The following GZF1 variants were observed in gnomAD, a reference collection of about 807,000 sequenced individuals.
The protein encoded by GZF1 is GDNF-inducible zinc finger protein 1.
Under a neutral mutation model 49.4 loss-of-function variants are expected in GZF1, and 28 were observed. The ratio of observed to expected loss-of-function variants is 0.57; its 90% CI spans 0.42 to 0.78. The LOEUF (loss-of-function observed/expected upper bound fraction) is 0.78, where lower values mean the gene tolerates loss of function less well. Ranked by LOEUF, GZF1 falls within the 30% of genes least tolerant of loss-of-function variation. The pLI, the probability that GZF1 is intolerant of heterozygous loss-of-function variation, is 0.00. For missense variants in GZF1, 798 were observed against 916.2 expected, an observed-to-expected ratio of 0.87 and a Z score of 1.67; for synonymous variants, 364 against 356.0, an observed-to-expected ratio of 1.02 and a Z score of -0.25.
At chr20:23,369,782 C>A (rs746116537) in intron 5 of GZF1, 41 bp downstream of exon 5, 2 of 1,573,692 alleles carry the variant, frequency 1.3e-6, no homozygotes, top group South Asian at 2.3e-5. Flanking sequence ...AAGCTGCTGC[C>A]CTTAGATGCA....
In GZF1 at chr20:23,369,713, A is replaced by G; in HGVS notation, c.1757A>G (p.Asp586Gly). The change falls in exon 5 of 6, where the codon GAC (aspartate) becomes GGC (glycine). Residue 586 changes from aspartate (D) to glycine (G), a missense_variant. By Grantham distance (94) the Asp-to-Gly change is moderately conservative. Transcript: ENST00000338121. ...AATGCGTGCGGACGGACATTCACCG[A>G]CAAGTCCACTCTTCGGCGGCACACC... ...MCNACGRTFT[D>G]KSTLRRHTSI... 1 of 1,613,440 alleles carries G rather than the reference A, an allele frequency of 6.2e-7. No individual in the cohort carries two copies. The highest frequency in any genetic ancestry group is 8.5e-7 in the Non-Finnish European group (1 of 1,179,680).
chr20:23,369,824 A>G (rs1263917506), intron 5 of GZF1, 83 bp downstream of exon 5: 2 of 1,400,754 alleles, frequency 1.4e-6, no homozygotes, highest in African/African-American at 2.9e-5. Flanking sequence ...CCATTCTCCA[A>G]GGTGGTTAGA....
In GZF1 at chr20:23,364,800, G is replaced by T. The variant is rs1378107567; in HGVS notation, c.417G>T (p.Glu139Asp). 1 of 1,614,280 alleles carries T rather than the reference G, an allele frequency of 6.2e-7. No homozygotes were observed. The highest frequency in any genetic ancestry group is 8.5e-7 in the Non-Finnish European group (1 of 1,180,048). ...KKQMLESVLLELQNFSESQEV... is the reference protein window; with the variant it reads ...KKQMLESVLLDLQNFSESQEV... ...AGATGTTAGAGTCAGTACTTTTGGA[G>T]TTGCAAAATTTCTCAGAGTCTCAGG... The change falls in exon 2 of 6, where the codon GAG becomes GAT. Residue 139 changes from glutamate (E) to aspartate (D), a missense_variant. Transcript: ENST00000338121.
At position 23,369,670 on chromosome 20, in the gene GZF1, G is replaced by C. The variant is rs1419296376; in HGVS notation, c.1714G>C (p.Glu572Gln). The change falls in exon 5 of 6, where the codon GAG becomes CAG. Residue 572 changes from glutamate to glutamine, a missense_variant. Coordinates refer to ENST00000338121, the MANE Select transcript of GZF1 (RefSeq NM_022482.5). Reference protein sequence around the residue: ...LQRHRRIHTGERPFMCNACGR... With the variant: ...LQRHRRIHTGQRPFMCNACGR... ...GCGCCACCGCCGCATCCACACAGGG[G>C]AGAGGCCATTCATGTGCAATGCGTG... The C allele has an allele frequency of 6.2e-7, 1 of 1,614,044 alleles. No homozygotes were observed. The highest frequency in any genetic ancestry group is 1.3e-5 in the African/African-American group (1 of 74,930).
Position 23,364,654 on chromosome 20 carries a change from C to G in GZF1, c.271C>G (p.Leu91Val), listed in dbSNP as rs1341799966. Residue 91 changes from leucine to valine, a missense_variant, in exon 2 of 6, where the codon CTT becomes GTT. Leu to Val is a conservative substitution (Grantham distance 32). Transcript: ENST00000338121. Reference protein sequence around the residue: ...EVQVADFASFLEFVYTAKVQV... With the variant: ...EVQVADFASFVEFVYTAKVQV... ...GCAGGTTGCTGACTTTGCTTCATTT[C>G]TTGAGTTTGTCTACACTGCAAAGGT... 1.2e-6 allele frequency: 2 copies of G among 1,614,248 alleles called. No homozygotes were observed. The highest frequency in any genetic ancestry group is 2.2e-5 in the East Asian group (1 of 44,896).
chr20:23,362,055 C>G (rs1048634413), upstream of GZF1: 4 of 152,196 alleles, frequency 2.6e-5, no homozygotes, highest in African/African-American at 9.7e-5. Flanking sequence ...CTCCGCCGCC[C>G]GACGTGTGGC....
Position 23,365,478 on chromosome 20 carries a change from C to G in GZF1, c.1095C>G (p.Ser365Arg). 1 of 1,613,824 alleles carries G rather than the reference C, an allele frequency of 6.2e-7. No homozygotes were observed. The highest frequency in any genetic ancestry group is 8.5e-7 in the Non-Finnish European group (1 of 1,179,998). Residue 365 changes from serine to arginine, a missense_variant, in exon 2 of 6, where the codon AGC (serine) becomes AGG (arginine). By Grantham distance (110) the Ser-to-Arg change is moderately radical. This residue lies in a region of GZF1 where 446 missense variants were observed against 540.1 expected (regional missense o/e 0.83). Transcript: ENST00000338121. ...QTFANRCNLK[S>R]HQRHVHSSER... ...TCGCCAACCGCTGCAACCTGAAGAG[C>G]CACCAGCGCCACGTGCACAGCAGCG...
chr20:23,365,992 C>G (rs1203067020), intron 2 of GZF1, among the ~76,000 whole-genome samples: 1 of 152,260 alleles, frequency 6.6e-6, no homozygotes, highest in African/African-American at 2.4e-5. Flanking sequence ...ACCGCGACAG[C>G]GGCCGCGGGC....
chr20:23,362,110 A>G (rs1053090702), upstream of GZF1: 3 of 151,968 alleles, frequency 2.0e-5, no homozygotes, highest in African/African-American at 7.3e-5. Flanking sequence ...CGGCCGCGGG[A>G]GGGGAGGGGC....
At chr20:23,365,862 G>A (rs1981302940) in intron 2 of GZF1, 115 bp downstream of exon 2, 5 of 1,399,516 alleles carry the variant, frequency 3.6e-6, no homozygotes, top group Non-Finnish European at 9.3e-7. Context: ...AAACCTGGGG[G>A]CTTATTTCGA....
At position 23,365,128 on chromosome 20, in the gene GZF1, A is replaced by C. The variant is rs748554930; in HGVS notation, c.745A>C (p.Lys249Gln). 3.7e-6 allele frequency: 6 copies of C among 1,613,938 alleles called. No individual in the cohort carries two copies. The highest frequency in any genetic ancestry group is 4.2e-6 in the Non-Finnish European group (5 of 1,180,056). ...TACGAGAAGACTCCGAGAGCAGCAGAAAACTGCTGAGGGTGATGTGGGGGA... is the reference window on the plus strand; with the variant it reads ...TACGAGAAGACTCCGAGAGCAGCAGCAAACTGCTGAGGGTGATGTGGGGGA... ...KYTRRLREQQ[K>Q]TAEGDVGDYR... Residue 249 changes from lysine (K) to glutamine (Q), a missense_variant, in exon 2 of 6, where the codon AAA becomes CAA. Lys to Gln is a moderately conservative substitution (Grantham distance 53). Around this residue, in one of 3 missense-constraint regions of GZF1, gnomAD observed 247 missense variants for 228.5 expected, o/e 1.08. Coordinates refer to ENST00000338121, the MANE Select transcript of GZF1 (RefSeq NM_022482.5).
chr20:23,365,939 AC>A (rs1338194021), intron 2 of GZF1, among the ~76,000 whole-genome samples, 192 bp downstream of exon 2: 10 of 152,072 alleles, frequency 6.6e-5, no homozygotes, highest in Non-Finnish European at 1.5e-4. Context: ...TTGTTCTGAG[AC>A]CCCTGGGGCG....
Position 23,364,782 on chromosome 20 carries a change from A to G in GZF1, c.399A>G (p.Leu133=). 2 of 1,614,300 alleles carry G rather than the reference A, an allele frequency of 1.2e-6. No individual in the cohort carries two copies. Among genetic ancestry groups the G allele is most frequent in the Non-Finnish European group, 1.7e-6 (2 of 1,180,054 alleles). ...GTTTTCAATTAAAGAAACAGATGTTAGAGTCAGTACTTTTGGAGTTGCAAA... is the reference window on the plus strand; with the variant it reads ...GTTTTCAATTAAAGAAACAGATGTTGGAGTCAGTACTTTTGGAGTTGCAAA... The part of the protein sequence containing the change: ...ETCFQLKKQM[L]ESVLLELQNF... Residue 133 remains leucine (L), a synonymous_variant, in exon 2 of 6, where the codon TTA becomes TTG. Transcript: ENST00000338121.
chr20:23,369,854 T>C (rs1383689115), intron 5 of GZF1, 113 bp downstream of exon 5: 1 of 1,197,818 alleles, frequency 8.3e-7, no homozygotes, highest in African/African-American at 1.5e-5. Flanking sequence ...AACAGGTACT[T>C]TCTCCTTGGG....
chr20:23,365,688 C>T lies in GZF1; in HGVS notation c.1305C>T (p.Tyr435=), dbSNP rs765385826. The T allele has an allele frequency of 1.1e-5, 18 of 1,583,512 alleles. No homozygotes were observed. The highest frequency in any genetic ancestry group is 2.7e-5 in the African/African-American group (2 of 74,406). ...GCACACACACGGGAGACCGGCCCTA[C>T]GGCTGCACCGAGTGCGGCGCCAGGT... ...HERTHTGDRP[Y]GCTECGARFS... is the part of the protein sequence containing the mutation. The change falls in exon 2 of 6, where the codon TAC becomes TAT. Residue 435 remains tyrosine (Y), a synonymous_variant. Transcript: ENST00000338121.
intron 4 of GZF1, among the ~76,000 whole-genome samples, chr20:23,369,363 G>A (rs980511342): frequency 2.0e-5 from 3 of 152,182 alleles, no homozygotes; most frequent in African/African-American, 7.2e-5. Context: ...ACCTGCTGCA[G>A]GCACATGTCC....
At chr20:23,369,782 C>T in intron 5 of GZF1, 41 bp downstream of exon 5, 1 of 1,573,696 alleles carries the variant, frequency 6.4e-7, no homozygotes, top group Middle Eastern at 1.7e-4. Flanking sequence ...AAGCTGCTGC[C>T]CTTAGATGCA....
intron 1 of GZF1, chr20:23,363,091 TC>T (rs1409627110): frequency 6.6e-6 from 1 of 152,188 alleles, no homozygotes; most frequent in Non-Finnish European, 1.5e-5. Context: ...ACAGCGGAAC[TC>T]CCAGAGGGCA....
intron 1 of GZF1, among the ~76,000 whole-genome samples, chr20:23,364,087 ATGTAT>A (rs1981005420): frequency 6.6e-6 from 1 of 152,234 alleles, no homozygotes; most frequent in Admixed American, 6.5e-5. Flanking sequence ...TACTGTGTTA[ATGTAT>A]TTCACTAATC....
Sources: gnomAD v4.1 joint callset for allele counts (sites outside exome capture counted in the v4.1 genomes callset) on GRCh38, gnomAD v4.1.1 for gene constraint, gnomAD v4.1.1 regional missense constraint, MANE v1.5 for transcripts, NCBI Gene and HGNC (gene_info 2026-07-23, HGNC 2026-07-21) for gene names.